The following FRMD4B variants were observed in gnomAD, a reference collection of about 807,000 sequenced individuals.
The protein encoded by FRMD4B is FERM domain-containing protein 4B.
A neutral mutation model predicts 141.5 loss-of-function variants in FRMD4B; 74 were observed. The ratio of observed to expected loss-of-function variants is 0.52; its 90% confidence interval spans 0.43 to 0.63. The LOEUF is 0.63. Ranked by LOEUF, FRMD4B falls within the 30% of genes least tolerant of loss-of-function variation. The pLI is 0.00. For synonymous variants in FRMD4B, 506 were observed against 467.9 expected, an observed-to-expected ratio of 1.08 and a Z score of -1.05; for missense variants, 1,366 against 1,253.4, an observed-to-expected ratio of 1.09 and a Z score of -1.36.
chr3:69,350,479 T>C (rs1396261264), intron 1 of FRMD4B, among the ~76,000 whole-genome samples: 1 of 152,180 alleles, frequency 6.6e-6, no homozygotes, highest in Non-Finnish European at 1.5e-5. Context: ...ACTGCGTATA[T>C]ACCCAAAGGA....
intron 1 of FRMD4B, among the ~76,000 whole-genome samples, chr3:69,526,529 G>T (rs11915680): frequency 0.17 from 25,546 of 152,090 alleles, 2,205 homozygotes; most frequent in South Asian, 0.24. Context: ...CATAAAAATC[G>T]CATTGGCTCT....
At chr3:69,198,350 G>A (rs1174998525) in intron 12 of FRMD4B, 10 of 209,058 alleles carry the variant, frequency 4.8e-5, no homozygotes, top group Non-Finnish European at 1.9e-5. Context: ...TAGTCATGAG[G>A]GAAGTGCAAA....
intron 1 of FRMD4B, among the ~76,000 whole-genome samples, chr3:69,499,534 T>C (rs1158598898): frequency 1.3e-5 from 2 of 152,222 alleles, no homozygotes; most frequent in Admixed American, 6.5e-5. Context: ...GGACAGCTTC[T>C]AGGTTTATGA....
intron 5 of FRMD4B, among the ~76,000 whole-genome samples, chr3:69,266,004 C>T (rs1436635639): frequency 6.6e-6 from 1 of 151,284 alleles, no homozygotes; most frequent in East Asian, 2.0e-4. Flanking sequence ...CTAGACCAGT[C>T]TGGGCAACAT....
intron 1 of FRMD4B, among the ~76,000 whole-genome samples, chr3:69,527,089 G>A (rs959145056): frequency 5.3e-5 from 8 of 152,062 alleles, no homozygotes; most frequent in Admixed American, 2.0e-4. Context: ...TGTGTCCTCC[G>A]TCCTGGGGCA....
At chr3:69,514,405 A>G (rs1434508489) in intron 1 of FRMD4B, among the ~76,000 whole-genome samples, 2 of 152,160 alleles carry the variant, frequency 1.3e-5, no homozygotes, top group Non-Finnish European at 2.9e-5. Flanking sequence ...AAATAAAGAA[A>G]TAGGCCAAGT....
chr3:69,507,830 T>G (rs1706624065), intron 1 of FRMD4B, among the ~76,000 whole-genome samples: 1 of 152,168 alleles, frequency 6.6e-6, no homozygotes, highest in South Asian at 2.1e-4. Context: ...TCAGAGTCTG[T>G]TTAAAATAGA....
intron 5 of FRMD4B, among the ~76,000 whole-genome samples, chr3:69,258,333 G>C (rs909621214): frequency 2.6e-5 from 4 of 152,030 alleles, no homozygotes; most frequent in Non-Finnish European, 5.9e-5. Flanking sequence ...TCAGTGTACA[G>C]CTCAATACAT....
At chr3:69,484,027 T>G (rs1706174903) in intron 1 of FRMD4B, among the ~76,000 whole-genome samples, 1 of 152,232 alleles carries the variant, frequency 6.6e-6, no homozygotes, top group African/African-American at 2.4e-5. Context: ...TACATTCTCC[T>G]GAGTCTTTGG....
At chr3:69,353,738 A>T (rs764978126) in intron 1 of FRMD4B, 2 of 980,770 alleles carry the variant, frequency 2.0e-6, no homozygotes, top group Non-Finnish European at 2.4e-6. Flanking sequence ...TTCCGCTGCC[A>T]TATAATCTCA....
In FRMD4B at chr3:69,214,192, G is replaced by T. The variant is rs571578172; in HGVS notation, c.876+2071C>A. On this transcript the variant is annotated intron_variant, in intron 11 of 22. Transcript: ENST00000398540. ...AAGACTGTGTGCAATGATTCAAGCT[G>T]CATGGACACTTAGAAGATGAAGAGT... is the stretch of plus-strand genomic sequence containing the variant. Among the ~76,000 whole-genome samples the T allele has an allele frequency of 5.3e-5, 8 of 152,320 alleles. No individual in the cohort carries two copies. In the South Asian group the frequency reaches 1.7e-3, roughly 32 times the overall value.
chr3:69,179,389 G>C (rs1393715167), intron 21 of FRMD4B, among the ~76,000 whole-genome samples: 1 of 152,088 alleles, frequency 6.6e-6, no homozygotes, highest in Non-Finnish European at 1.5e-5. Flanking sequence ...TGTCTGTTCT[G>C]CCCAGGTTTG....
intron 5 of FRMD4B, among the ~76,000 whole-genome samples, chr3:69,259,082 T>C (rs2093510204): frequency 6.6e-6 from 1 of 152,188 alleles, no homozygotes; most frequent in South Asian, 2.1e-4. Flanking sequence ...TTCACCATAA[T>C]GTAGAATCAG....
intron 1 of FRMD4B, among the ~76,000 whole-genome samples, chr3:69,481,634 A>G (rs1575586075): frequency 1.3e-5 from 2 of 152,320 alleles, no homozygotes; most frequent in East Asian, 3.9e-4. Flanking sequence ...CTGCCTGTCA[A>G]CTTCAATTTC....
At chr3:69,380,909 A>AT (rs746306836) in intron 1 of FRMD4B, among the ~76,000 whole-genome samples, 12 of 152,228 alleles carry the variant, frequency 7.9e-5, no homozygotes, top group East Asian at 7.7e-4. Flanking sequence ...GGTGTTGATT[A>AT]TTTTTTTCTG....
chr3:69,288,275 T>TAA (rs1463102120), intron 4 of FRMD4B, among the ~76,000 whole-genome samples: 2 of 152,256 alleles, frequency 1.3e-5, no homozygotes, highest in East Asian at 3.9e-4. Context: ...CGGGGGTTTT[T>TAA]AGACGGAGGG....
chr3:69,281,924 C>A (rs2093646795), intron 5 of FRMD4B, among the ~76,000 whole-genome samples: 1 of 151,686 alleles, frequency 6.6e-6, no homozygotes, highest in Non-Finnish European at 1.5e-5. Context: ...GATACCCAAA[C>A]TCAGAAACGA....
At chr3:69,207,183 T>C (rs2093031413) in intron 11 of FRMD4B, among the ~76,000 whole-genome samples, 1 of 152,012 alleles carries the variant, frequency 6.6e-6, no homozygotes, top group African/African-American at 2.4e-5. Flanking sequence ...CACATGCCTA[T>C]AGTCCTAGCT....
At chr3:69,353,764 T>C in intron 1 of FRMD4B, 3 of 949,822 alleles carry the variant, frequency 3.2e-6, no homozygotes, top group Non-Finnish European at 3.8e-6. Flanking sequence ...ATGACCATAC[T>C]GTTTGTTTCT....
Sources: allele counts gnomAD v4.1 joint callset (sites outside exome capture counted in the v4.1 genomes callset), GRCh38; gene constraint gnomAD v4.1.1; transcripts MANE v1.5; gene names NCBI Gene and HGNC (gene_info 2026-07-23, HGNC 2026-07-21).